ZFHX3: variants seen among roughly 807,000 people sequenced by gnomAD.
ZFHX3 encodes the protein zinc finger homeobox 3, also known as zinc finger homeobox protein 3.
A neutral mutation model predicts 279.1 loss-of-function variants in ZFHX3; 42 were observed. That is an observed-to-expected ratio of 0.15 (90% CI 0.12 to 0.19). The LOEUF is 0.19. Among genes scored for constraint, ZFHX3 ranks in the 10% least tolerant of loss-of-function variants. The probability of loss-of-function intolerance (pLI) is 1.00; values close to 1 mark genes in which losing one functional copy is unlikely to be tolerated. For synonymous variants in ZFHX3, 2,293 were observed against 1,957.8 expected (o/e 1.17, Z -4.52); for missense variants, 4,981 against 4,754.0 (o/e 1.05, Z -1.40).
At chr16:73,340,769 C>T (rs1007412703) in intron 3 of ZFHX3, among the ~76,000 whole-genome samples, 5 of 152,108 alleles carry the variant, frequency 3.3e-5, no homozygotes, top group Non-Finnish European at 7.4e-5. Context: ...ACAAAAAAGA[C>T]TGTCTTCCAA....
intron 2 of ZFHX3, among the ~76,000 whole-genome samples, chr16:73,601,508 C>A (rs1241601607): frequency 1.3e-5 from 2 of 151,424 alleles, no homozygotes; most frequent in Non-Finnish European, 2.9e-5. Context: ...TCTATTTTAA[C>A]TCATCATGTG....
At chr16:72,820,272 G>C (rs2036749727) in intron 5 of ZFHX3, among the ~76,000 whole-genome samples, 1 of 152,186 alleles carries the variant, frequency 6.6e-6, no homozygotes, top group Non-Finnish European at 1.5e-5. Context: ...GAGAAAAATA[G>C]TGCTAAGCCC....
intron 3 of ZFHX3, among the ~76,000 whole-genome samples, chr16:73,327,161 G>C (rs1288326975): frequency 6.6e-6 from 1 of 152,210 alleles, no homozygotes; most frequent in Admixed American, 6.5e-5. Flanking sequence ...GTAGTATTCT[G>C]AGAAGCCTTT....
intron 5 of ZFHX3, among the ~76,000 whole-genome samples, chr16:73,196,040 G>A (rs1180899680): frequency 3.3e-5 from 5 of 152,070 alleles, no homozygotes; most frequent in Admixed American, 3.3e-4. Flanking sequence ...GAAACAAAGA[G>A]AATGTGTAAA....
chr16:73,466,958 A>AT (rs138798415), intron 2 of ZFHX3, among the ~76,000 whole-genome samples: 20,560 of 152,042 alleles, frequency 0.14, 2,488 homozygotes, highest in East Asian at 0.43. Flanking sequence ...AGGCGAACTG[A>AT]TTTTTTTAGG....
chr16:73,357,019 A>C (rs1247651075), intron 3 of ZFHX3, among the ~76,000 whole-genome samples: 1 of 151,940 alleles, frequency 6.6e-6, no homozygotes, highest in Non-Finnish European at 1.5e-5. Context: ...AGCAGAGCTC[A>C]GCTCCAATTG....
At chr16:73,878,730 G>C (rs1317902083) in intron 1 of ZFHX3, among the ~76,000 whole-genome samples, 1 of 151,496 alleles carries the variant, frequency 6.6e-6, no homozygotes, top group Non-Finnish European at 1.5e-5. Flanking sequence ...CAAGAGGGAG[G>C]GGGGACATTA....
intron 3 of ZFHX3, among the ~76,000 whole-genome samples, chr16:73,365,689 T>G (rs1258538027): frequency 6.6e-6 from 1 of 152,208 alleles, no homozygotes; most frequent in African/African-American, 2.4e-5. Context: ...TCCTTAAACG[T>G]GGGCACAGAT....
chr16:73,307,830 CATT>C (rs1437658155), intron 4 of ZFHX3, among the ~76,000 whole-genome samples: 1 of 152,084 alleles, frequency 6.6e-6, no homozygotes, highest in Non-Finnish European at 1.5e-5. Flanking sequence ...AAGTATTCGG[CATT>C]ATTTTCAGAT....
chr16:72,826,652 C>G (rs1182109604), intron 5 of ZFHX3, among the ~76,000 whole-genome samples: 2 of 152,160 alleles, frequency 1.3e-5, no homozygotes, highest in African/African-American at 4.8e-5. Context: ...TGCTTCGGAT[C>G]AAAAGAGGAT....
intron 2 of ZFHX3, among the ~76,000 whole-genome samples, chr16:73,649,014 T>C (rs1367899344): frequency 1.3e-5 from 2 of 152,216 alleles, no homozygotes; most frequent in Non-Finnish European, 2.9e-5. Context: ...ACGGTTATCA[T>C]TTTCAATATT....
At chr16:73,448,927 C>G (rs2018238218) in intron 3 of ZFHX3, among the ~76,000 whole-genome samples, 1 of 152,072 alleles carries the variant, frequency 6.6e-6, no homozygotes, top group African/African-American at 2.4e-5. Flanking sequence ...AAGCCACAGT[C>G]TTTTCCATAA....
At chr16:73,834,430 T>C (rs1243825497) in intron 1 of ZFHX3, among the ~76,000 whole-genome samples, 1 of 152,180 alleles carries the variant, frequency 6.6e-6, no homozygotes, top group Admixed American at 6.5e-5. Flanking sequence ...TATGAAGTGT[T>C]CTTGGAGGGA....
intron 3 of ZFHX3, among the ~76,000 whole-genome samples, chr16:72,922,056 C>T (rs537283231): frequency 2.0e-5 from 3 of 152,312 alleles, no homozygotes; most frequent in African/African-American, 4.8e-5. Flanking sequence ...CCCTGCAGCA[C>T]GGTAGGCACG....
At chr16:73,006,083 T>A (rs1963693222) in intron 1 of ZFHX3, 1 of 152,242 alleles carries the variant, frequency 6.6e-6, no homozygotes, top group Admixed American at 6.5e-5. Flanking sequence ...TTTCTTTGTT[T>A]CTTTTTAACC....
At chr16:73,282,405 T>C (rs546842522) in intron 4 of ZFHX3, among the ~76,000 whole-genome samples, 4 of 152,368 alleles carry the variant, frequency 2.6e-5, no homozygotes, top group South Asian at 4.1e-4. Flanking sequence ...ACTTGCTTTT[T>C]ATCTGTAATT....
intron 2 of ZFHX3, among the ~76,000 whole-genome samples, chr16:73,494,980 C>T (rs999686375): frequency 2.0e-5 from 3 of 152,150 alleles, no homozygotes; most frequent in African/African-American, 7.2e-5. Context: ...TTCCACTCGC[C>T]TTGTTTCTCT....
At chr16:73,486,597 C>T (rs1567498686) in intron 2 of ZFHX3, among the ~76,000 whole-genome samples, 1 of 152,170 alleles carries the variant, frequency 6.6e-6, no homozygotes, top group Admixed American at 6.5e-5. Context: ...CCCAGAGGGT[C>T]CCCCACATAA....
chr16:73,555,048 T>C (rs561182090), intron 2 of ZFHX3, among the ~76,000 whole-genome samples: 1 of 152,268 alleles, frequency 6.6e-6, no homozygotes, highest in South Asian at 2.1e-4. Context: ...CCTATTCCCT[T>C]TTATCTTTAA....
Sources: allele counts gnomAD v4.1 joint callset (sites outside exome capture counted in the v4.1 genomes callset), GRCh38; gene constraint gnomAD v4.1.1; transcripts MANE v1.5; gene names NCBI Gene and HGNC (gene_info 2026-07-23, HGNC 2026-07-21).